Variants in OR1L8 observed in about 807,000 individuals in gnomAD.
OR1L8 encodes the protein olfactory receptor family 1 subfamily L member 8.
For synonymous variants in OR1L8, 148 were observed against 147.0 expected (o/e 1.01, Z -0.05); for missense variants, 330 against 377.4 (o/e 0.87, Z 1.04).
At chr9:122,558,051 A>AT in the OR1L8 span, among the ~76,000 whole-genome samples, 2 of 151,442 alleles carry the variant, frequency 1.3e-5, no homozygotes, top group African/African-American at 4.8e-5. Flanking sequence ...ATTTGTAGTG[A>AT]TTTTTTTATT....
rs1374152192 is a variant in OR1L8 at position 122,568,574 on chromosome 9, T to C, written c.-97A>G. 1.3e-6 allele frequency: 1 copy of C among 758,158 alleles called. No homozygotes were observed. The highest frequency in any genetic ancestry group is 1.8e-5 in the African/African-American group (1 of 56,776). The allele number at this position is 758,158 out of a possible 1,614,324, so 47.0% of individuals were successfully genotyped here. On this transcript the variant is annotated 5_prime_UTR_variant, in exon 5 of 5. Coordinates refer to ENST00000641027, the MANE Select transcript of OR1L8 (RefSeq NM_001004454.2). ...GAACCTAGCAAGTCTTTGTTTCTTC[T>C]GTTTGGTCACAATTAGCTACTGTGC...
At chr9:122,572,351 T>C (rs1472144934) in intron 4 of OR1L8, among the ~76,000 whole-genome samples, 1 of 152,168 alleles carries the variant, frequency 6.6e-6, no homozygotes, top group East Asian at 1.9e-4. Flanking sequence ...AAAGCAGTCA[T>C]TCATGAAAAG....
At chr9:122,562,876 G>A (rs771085589), downstream of OR1L8, among the ~76,000 whole-genome samples, 1 of 152,062 alleles carries the variant, frequency 6.6e-6, no homozygotes, top group Non-Finnish European at 1.5e-5. Context: ...GCTGCATGGT[G>A]TTCCATTGTG....
In OR1L8 at chr9:122,578,020, C is replaced by T. The variant is rs1173958983; in HGVS notation, c.-478+304G>A. Among the ~76,000 whole-genome samples, 3 of 152,192 alleles carry T rather than the reference C, an allele frequency of 2.0e-5. No individual in the cohort carries two copies. The East Asian group carries it at 5.8e-4, about 29-fold the overall frequency. On this transcript the variant is annotated intron_variant, in intron 2 of 4. Transcript: ENST00000641027. Reference sequence around the variant, plus strand: ...TGTGGATGTGGTGAAAAGGAAAACACTTTTACACTGCTGGTGAGAATGTAA... The same window carrying T: ...TGTGGATGTGGTGAAAAGGAAAACATTTTTACACTGCTGGTGAGAATGTAA...
At chr9:122,565,422 A>G (rs887332053), downstream of OR1L8, among the ~76,000 whole-genome samples, 2 of 152,180 alleles carry the variant, frequency 1.3e-5, no homozygotes, top group Non-Finnish European at 2.9e-5. Flanking sequence ...TCATCGCCCA[A>G]TGGGCTCATG....
At chr9:122,578,952 A>C (rs976941105) in intron 1 of OR1L8, among the ~76,000 whole-genome samples, 4 of 143,636 alleles carry the variant, frequency 2.8e-5, no homozygotes, top group African/African-American at 1.0e-4. Context: ...AAATTAAAAA[A>C]AATTCTGAAA....
At chr9:122,581,369 C>T (rs775925076) in intron 1 of OR1L8, among the ~76,000 whole-genome samples, 1 of 149,398 alleles carries the variant, frequency 6.7e-6, no homozygotes, top group Admixed American at 6.6e-5. Flanking sequence ...CGTCTCAAAA[C>T]AAAACAAAAA....
chr9:122,565,128 C>T (rs143932599), downstream of OR1L8, among the ~76,000 whole-genome samples: 391 of 152,292 alleles, frequency 2.6e-3, 4 homozygotes, highest in African/African-American at 8.8e-3. Context: ...GCCCCTCTTA[C>T]ACCCAAGAGA....
intron 1 of OR1L8, among the ~76,000 whole-genome samples, chr9:122,582,556 A>G (rs1044331733): frequency 7.3e-6 from 1 of 137,084 alleles, no homozygotes; most frequent in African/African-American, 2.6e-5. Context: ...TCTCTGCACA[A>G]AATTAAAAAA....
chr9:122,548,115 A>C, the OR1L8 span, among the ~76,000 whole-genome samples: 2 of 152,176 alleles, frequency 1.3e-5, no homozygotes, highest in African/African-American at 4.8e-5. Context: ...GAAGTATACA[A>C]ATTTATTTAA....
the OR1L8 span, among the ~76,000 whole-genome samples, chr9:122,551,854 A>G: frequency 1.1e-3 from 171 of 152,146 alleles, no homozygotes; most frequent in African/African-American, 4.1e-3. Flanking sequence ...CGAGCCATAC[A>G]CTTCAGGTAT....
At chr9:122,571,547 C>CAAAAAAA (rs59592725) in intron 4 of OR1L8, among the ~76,000 whole-genome samples, 1 of 126,858 alleles carries the variant, frequency 7.9e-6, no homozygotes, top group South Asian at 2.8e-4. Flanking sequence ...CAGACTGTCT[C>CAAAAAAA]AAAAAAAAAA....
intron 1 of OR1L8, among the ~76,000 whole-genome samples, chr9:122,580,709 A>G (rs941889558): frequency 4.0e-5 from 6 of 151,626 alleles, no homozygotes; most frequent in Non-Finnish European, 7.4e-5. Context: ...TGGTTGTTGT[A>G]TTGTATTATG....
At chr9:122,553,964 T>A in the OR1L8 span, 1 of 1,613,866 alleles carries the variant, frequency 6.2e-7, no homozygotes, top group Non-Finnish European at 8.5e-7. Flanking sequence ...TCACGGTGGT[T>A]CTGCTCTTCT....
chr9:122,571,216 C>T (rs1304991929), intron 4 of OR1L8, among the ~76,000 whole-genome samples: 2 of 152,084 alleles, frequency 1.3e-5, no homozygotes, highest in East Asian at 3.9e-4. Context: ...GATTTGAAAG[C>T]TTGAACACTA....
the OR1L8 span, chr9:122,553,893 G>A: frequency 1.2e-6 from 2 of 1,614,030 alleles, no homozygotes; most frequent in African/African-American, 1.3e-5. Context: ...TTTCTGGGCT[G>A]TGTTTGTCAT....
At chr9:122,563,326 T>C (rs998404957), downstream of OR1L8, among the ~76,000 whole-genome samples, 1 of 152,206 alleles carries the variant, frequency 6.6e-6, no homozygotes, top group Non-Finnish European at 1.5e-5. Flanking sequence ...GTATATTTCA[T>C]TGTGATTTTG....
intron 1 of OR1L8, 140 bp from the exon 2 acceptor site, chr9:122,578,585 C>CAT: frequency 6.6e-6 from 1 of 151,814 alleles, no homozygotes; most frequent in African/African-American, 2.4e-5. Context: ...ATAAAGAAAT[C>CAT]GTGATATATA....
Position 122,568,339 on chromosome 9 carries a change from T to G in OR1L8, c.139A>C (p.Ile47Leu). 6.2e-7 allele frequency: 1 copy of G among 1,614,024 alleles called. No homozygotes were observed. The highest frequency in any genetic ancestry group is 8.5e-7 in the Non-Finnish European group (1 of 1,179,970). ...LVTITGNLLIILAIRFNPHLQ... is the reference protein window; with the variant it reads ...LVTITGNLLILLAIRFNPHLQ... ...TGGGGGTTGAAGCGAATGGCCAGGA[T>G]GATGAGCAGGTTCCCTGTTATGGTG... The change falls in exon 5 of 5, where the codon ATC becomes CTC. Residue 47 changes from isoleucine (I) to leucine (L), a missense_variant. By Grantham distance (5) the Ile-to-Leu change is conservative (BLOSUM62 2). Coordinates refer to ENST00000641027, the MANE Select transcript of OR1L8 (RefSeq NM_001004454.2).
Sources: allele counts gnomAD v4.1 joint callset (sites outside exome capture counted in the v4.1 genomes callset), GRCh38; gene constraint gnomAD v4.1.1; transcripts MANE v1.5; gene names NCBI Gene and HGNC (gene_info 2026-07-23, HGNC 2026-07-21).